Variants in NHSL1 observed in about 807,000 individuals in gnomAD.
NHSL1 encodes NHS-like protein 1.
Under a neutral mutation model 95.0 loss-of-function variants are expected in NHSL1, and 48 were observed. The observed-to-expected ratio is 0.51, with a 90% CI of 0.40 to 0.64. The LOEUF (loss-of-function observed/expected upper bound fraction) is 0.64, where lower values mean the gene tolerates loss of function less well. Among genes scored for constraint, NHSL1 ranks in the 30% least tolerant of loss-of-function variants. The probability of loss-of-function intolerance (pLI) is 0.00; values close to 1 mark genes in which losing one functional copy is unlikely to be tolerated. For synonymous variants in NHSL1, 783 were observed against 833.9 expected (o/e 0.94, Z 1.05); for missense variants, 1,971 against 2,077.7 (o/e 0.95, Z 1.00).
intron 1 of NHSL1, among the ~76,000 whole-genome samples, chr6:138,533,732 G>T (rs1782229323): frequency 6.6e-6 from 1 of 152,232 alleles, no homozygotes; most frequent in South Asian, 2.1e-4. Context: ...CTTAGATAAA[G>T]GGTGTGTTTT....
In NHSL1 at chr6:138,636,748, A is replaced by G. The variant is rs146064879; in HGVS notation, c.96+55728T>C. Among the ~76,000 whole-genome samples the G allele has an allele frequency of 2.7e-3, 418 of 152,338 alleles. 2 individuals are homozygous for G. The highest frequency in any genetic ancestry group is 9.3e-3 in the African/African-American group (385 of 41,584). ...ATGAAAACAATAAAATACTGATGAA[A>G]GAAATTGAAGAGGACACCAAAAAAA... On this transcript the variant is annotated intron_variant, in intron 1 of 3. Transcript: ENST00000491526.
At chr6:138,510,967 C>A (rs755527101) in intron 1 of NHSL1, among the ~76,000 whole-genome samples, 1 of 152,036 alleles carries the variant, frequency 6.6e-6, no homozygotes, top group Admixed American at 6.6e-5. Flanking sequence ...TATTAGAGGG[C>A]AATACAATTG....
At position 138,430,893 on chromosome 6, in the gene NHSL1, C is replaced by T. The variant is rs780474456; in HGVS notation, c.3452G>A (p.Gly1151Asp). 3.2e-4 allele frequency: 494 copies of T among 1,551,384 alleles called. No individual in the cohort carries two copies. In the Middle Eastern group the frequency reaches 4.3e-3, roughly 14 times the overall value. Residue 1151 changes from glycine to aspartate, a missense_variant, in exon 6 of 8, where the codon GGC becomes GAC. Gly to Asp is a moderately conservative substitution (Grantham distance 94, BLOSUM62 -1). Transcript: ENST00000343505. The surrounding 1 kb of genome is among the most constrained non-coding windows in gnomAD (Gnocchi z 4.7). ...AGGGCCACCACGCTCAGCCGCACTG[C>T]CATGGTCACCCTGACTCGAGCTCTT... ...PAKSSSQGDH[G>D]SAAERGGPVS...
intron 1 of NHSL1, among the ~76,000 whole-genome samples, chr6:138,535,666 G>C (rs1782310915): frequency 6.6e-6 from 1 of 152,194 alleles, no homozygotes; most frequent in African/African-American, 2.4e-5. Flanking sequence ...AAATGGGGAA[G>C]TCTGCAGTGG....
Position 138,433,032 on chromosome 6 carries a change from C to T in NHSL1, c.1313G>A (p.Ser438Asn). 6.4e-7 allele frequency: 1 copy of T among 1,551,644 alleles called. No homozygotes were observed. The highest frequency in any genetic ancestry group is 8.7e-7 in the Non-Finnish European group (1 of 1,146,996). The part of the protein sequence containing the change: ...PTAQSAGQRE[S>N]KSSGSSHARI... Reference sequence around the variant, plus strand: ...TGCATGTGATGAGCCAGAACTTTTACTTTCCCGCTGTCCCGCACTCTGAGC... The same window carrying T: ...TGCATGTGATGAGCCAGAACTTTTATTTTCCCGCTGTCCCGCACTCTGAGC... Residue 438 changes from serine to asparagine, a missense_variant, in exon 6 of 8, where the codon AGT becomes AAT. Ser to Asn is a conservative substitution (Grantham distance 46, BLOSUM62 1). Transcript: ENST00000343505.
At chr6:138,672,786 AG>A (rs1785390353) in intron 1 of NHSL1, among the ~76,000 whole-genome samples, 1 of 152,178 alleles carries the variant, frequency 6.6e-6, no homozygotes, top group Non-Finnish European at 1.5e-5. Flanking sequence ...TGGGAGGCCG[AG>A]GTAGGCAGAT....
intron 1 of NHSL1, among the ~76,000 whole-genome samples, chr6:138,670,649 A>G (rs62432553): frequency 2.1e-5 from 3 of 143,320 alleles, no homozygotes; most frequent in Non-Finnish European, 4.6e-5. Flanking sequence ...CTGGGCGACA[A>G]AGCGAGACTC....
chr6:138,431,215 G>A lies in NHSL1; in HGVS notation c.3130C>T (p.Pro1044Ser). The A allele has an allele frequency of 6.5e-7, 1 of 1,532,230 alleles. No homozygotes were observed. The highest frequency in any genetic ancestry group is 1.4e-5 in the African/African-American group (1 of 72,432). 94.9% of individuals were successfully genotyped at this position (1,532,230 alleles called of 1,614,324 possible). The change falls in exon 6 of 8, where the codon CCA becomes TCA. Residue 1044 changes from proline (P) to serine (S), a missense_variant. Coordinates refer to ENST00000343505, the MANE Select transcript of NHSL1 (RefSeq NM_001144060.2). This position sits in a 1 kb window ranked among gnomAD's most constrained non-coding sequence, Gnocchi z 4.0. ...CTCAAGGATCCCCGGGAGGATTCTG[G>A]CTGGCCAGAATTTGTGAAAGGCGGC... ...TRPPFTNSGQ[P>S]ESSRGSLRPP...
rs541159821 is a variant in NHSL1, at chr6:138,678,576, A to C, written c.96+13900T>G. 1.9e-3 allele frequency among the ~76,000 whole-genome samples: 283 copies of C among 152,366 alleles called. 1 individual carries two copies. The highest frequency in any genetic ancestry group is 6.6e-3 in the African/African-American group (273 of 41,582). On this transcript the variant is annotated intron_variant, in intron 1 of 3. Transcript: ENST00000491526. ...AATTTAAAAGTTCACAAAAATTAAA[A>C]CATAAAATTATGCAGATGAAGTATT...
At chr6:138,449,283 G>A (rs916366469) in intron 3 of NHSL1, among the ~76,000 whole-genome samples, 8 of 152,134 alleles carry the variant, frequency 5.3e-5, no homozygotes, top group African/African-American at 1.9e-4. Flanking sequence ...TGTTTCCTTT[G>A]CTGTAAAATG....
chr6:138,666,339 G>A (rs1274850908), intron 1 of NHSL1, among the ~76,000 whole-genome samples: 3 of 152,058 alleles, frequency 2.0e-5, no homozygotes, highest in African/African-American at 7.2e-5. Flanking sequence ...GGTGGCTCCC[G>A]CCTGTAATCC....
At chr6:138,645,465 G>A (rs924885830) in intron 1 of NHSL1, among the ~76,000 whole-genome samples, 12 of 150,374 alleles carry the variant, frequency 8.0e-5, no homozygotes, top group African/African-American at 2.7e-4. Flanking sequence ...ACCTTATAAC[G>A]TACTATAATA....
At chr6:138,433,881 T>A (rs931198929) in intron 5 of NHSL1, among the ~76,000 whole-genome samples, 9 of 152,226 alleles carry the variant, frequency 5.9e-5, no homozygotes, top group African/African-American at 1.9e-4. Context: ...CAGGTACTTC[T>A]CTTAATTTGT....
upstream of NHSL1, among the ~76,000 whole-genome samples, chr6:138,501,852 A>G (rs535929607): frequency 4.6e-5 from 7 of 152,320 alleles, no homozygotes; most frequent in South Asian, 1.5e-3. Context: ...TATACTTTAA[A>G]TCATCTCTAC....
intron 1 of NHSL1, among the ~76,000 whole-genome samples, chr6:138,653,473 G>C (rs1379857799): frequency 1.3e-5 from 2 of 152,050 alleles, no homozygotes; most frequent in Non-Finnish European, 2.9e-5. Flanking sequence ...AGAATCACTT[G>C]AACCCAGGAG....
chr6:138,516,879 C>T (rs1781483167), intron 1 of NHSL1, among the ~76,000 whole-genome samples: 2 of 152,142 alleles, frequency 1.3e-5, no homozygotes, highest in Admixed American at 6.5e-5. Flanking sequence ...AAGCAATCCT[C>T]GTGCCTCAGC....
chr6:138,432,432 T>G lies in NHSL1; in HGVS notation c.1913A>C (p.Asn638Thr). The G allele has an allele frequency of 6.4e-7, 1 of 1,552,388 alleles. No homozygotes were observed. Among genetic ancestry groups the G allele is most frequent in the Non-Finnish European group, 8.7e-7 (1 of 1,147,138 alleles). The change falls in exon 6 of 8, where the codon AAT (asparagine) becomes ACT (threonine). Residue 638 changes from asparagine to threonine, a missense_variant. By Grantham distance (65) the Asn-to-Thr change is moderately conservative. Around this residue, in one of 3 missense-constraint regions of NHSL1, gnomAD observed 1,602 missense variants for 1,654.5 expected, o/e 0.97. Transcript: ENST00000343505. This position sits in a 1 kb window ranked among gnomAD's most constrained non-coding sequence, Gnocchi z 4.4. ...GFGNPRHSVI[N>T]VFVGRAQKNQ... Reference sequence around the variant, plus strand: ...TTTCTGAGCTCTTCCAACAAAAACATTGATCACGCTGTGCCTGGGGTTCCC... The same window carrying G: ...TTTCTGAGCTCTTCCAACAAAAACAGTGATCACGCTGTGCCTGGGGTTCCC...
chr6:138,643,013 A>G (rs944443098), intron 1 of NHSL1, among the ~76,000 whole-genome samples: 14 of 152,214 alleles, frequency 9.2e-5, no homozygotes, highest in Non-Finnish European at 1.5e-4. Context: ...AAGCTTACCT[A>G]TCCCTACCAT....
At chr6:138,467,213 C>T (rs977861454) in intron 3 of NHSL1, among the ~76,000 whole-genome samples, 4 of 151,574 alleles carry the variant, frequency 2.6e-5, no homozygotes, top group African/African-American at 9.7e-5. Flanking sequence ...AGTGCAGTGG[C>T]GCGATCTCGG....
Sources: gnomAD v4.1 joint callset for allele counts (sites outside exome capture counted in the v4.1 genomes callset) on GRCh38, gnomAD v4.1.1 for gene constraint, gnomAD v4.1.1 regional missense constraint, Gnocchi (gnomAD v3.1) non-coding constraint, MANE v1.5 for transcripts, NCBI Gene and HGNC (gene_info 2026-07-23, HGNC 2026-07-21) for gene names.